Variants in TSNARE1 observed in about 807,000 individuals in gnomAD.
The protein encoded by TSNARE1 is t-SNARE domain containing 1.
In TSNARE1, 49 loss-of-function variants were observed where a neutral mutation model predicts 62.0. The observed-to-expected ratio is 0.79, with a 90% confidence interval of 0.63 to 1.00. The LOEUF is 1.00. Among genes scored for constraint, TSNARE1 ranks in the 50% least tolerant of loss-of-function variants. The probability of loss-of-function intolerance (pLI) is 0.00; values close to 1 mark genes in which losing one functional copy is unlikely to be tolerated. For synonymous variants in TSNARE1, 328 were observed against 294.4 expected (o/e 1.11, Z -1.17); for missense variants, 755 against 700.1 (o/e 1.08, Z -0.88).
intron 6 of TSNARE1, among the ~76,000 whole-genome samples, chr8:142,318,900 T>G (rs1447396564): frequency 6.6e-6 from 1 of 150,730 alleles, no homozygotes; most frequent in African/African-American, 2.4e-5. Context: ...GCAGCGATGA[T>G]TCCCACAGAG....
At chr8:142,372,556 C>G (rs552111437) in intron 1 of TSNARE1, among the ~76,000 whole-genome samples, 2 of 152,288 alleles carry the variant, frequency 1.3e-5, no homozygotes, top group South Asian at 4.1e-4. Context: ...GCTGGCTTCC[C>G]TCACCCCTCA....
intron 12 of TSNARE1, chr8:142,269,934 G>T: frequency 1.0e-6 from 1 of 985,456 alleles, no homozygotes; most frequent in Non-Finnish European, 1.2e-6. Flanking sequence ...ACGAGGAAAA[G>T]GCCCCTCTCC....
At chr8:142,298,718 G>A (rs1382262454) in intron 10 of TSNARE1, among the ~76,000 whole-genome samples, 9 of 152,280 alleles carry the variant, frequency 5.9e-5, no homozygotes, top group East Asian at 5.8e-4. Context: ...CTCTCCTCAC[G>A]ACACTCTATG....
intron 1 of TSNARE1, among the ~76,000 whole-genome samples, chr8:142,372,323 C>T (rs532087169): frequency 3.3e-5 from 5 of 152,172 alleles, no homozygotes; most frequent in Non-Finnish European, 5.9e-5. Context: ...AGCCCCACAA[C>T]CATTTGCTGA....
chr8:142,405,176 G>C (rs1838564680), upstream of TSNARE1: 1 of 152,268 alleles, frequency 6.6e-6, no homozygotes, highest in African/African-American at 2.4e-5. Flanking sequence ...GGGAGGGGGA[G>C]GAGGATGCTA....
chr8:142,322,846 G>A (rs1198675383), intron 6 of TSNARE1, among the ~76,000 whole-genome samples: 5 of 151,916 alleles, frequency 3.3e-5, no homozygotes, highest in Admixed American at 6.6e-5. Flanking sequence ...ACGAAAGGCC[G>A]GCCTGGCCGT....
intron 13 of TSNARE1, among the ~76,000 whole-genome samples, chr8:142,224,346 C>T (rs1373049950): frequency 2.0e-5 from 3 of 152,226 alleles, no homozygotes; most frequent in Admixed American, 2.0e-4. Flanking sequence ...CCTGGCCACA[C>T]ACTGACCTCT....
At chr8:142,243,589 G>T (rs1817758336) in intron 12 of TSNARE1, among the ~76,000 whole-genome samples, 1 of 152,104 alleles carries the variant, frequency 6.6e-6, no homozygotes, top group South Asian at 2.1e-4. Flanking sequence ...GTGGTTAGCA[G>T]GGGCCGGGGG....
In TSNARE1 at chr8:142,285,238, GGGTA is replaced by G. The variant is rs1563829621; in HGVS notation, c.1291-757_1291-754del. Among the ~76,000 whole-genome samples the G allele has an allele frequency of 8.1e-4, 115 of 142,292 alleles. 1 individual carries two copies. The highest frequency in any genetic ancestry group is 3.0e-3 in the African/African-American group (111 of 36,954). The allele number at this position is 142,292 out of a possible 152,430, so 93.3% of individuals were successfully genotyped here. On this transcript the variant is annotated intron_variant, in intron 10 of 13. Transcript: ENST00000524325. ...CAGATGAATGGGTGGATGGATGGAT[GGGTA>G]GATGGATGGATGCGTAGGTGGATGG...
At chr8:142,404,287 C>A (rs1838517653), upstream of TSNARE1, 1 of 150,218 alleles carries the variant, frequency 6.7e-6, no homozygotes, top group African/African-American at 2.5e-5. Flanking sequence ...TGAACACGAA[C>A]ACAAAAGTGT....
chr8:142,323,154 C>T (rs1829735947), intron 6 of TSNARE1, among the ~76,000 whole-genome samples: 1 of 152,170 alleles, frequency 6.6e-6, no homozygotes, highest in African/African-American at 2.4e-5. Flanking sequence ...GGCTGGATGA[C>T]GATATTGTTA....
chr8:142,388,304 C>A (rs909986232), intron 1 of TSNARE1, among the ~76,000 whole-genome samples: 4 of 151,990 alleles, frequency 2.6e-5, no homozygotes, highest in African/African-American at 7.2e-5. Flanking sequence ...CCATACTCTG[C>A]TTTATGGAGT....
rs533416609 is a variant in TSNARE1 at position 142,241,034 on chromosome 8, G to A, written c.1447-11455C>T. ...CCTCGCCAGTGTAATTAGGCAAGAC[G>A]AAGAAGTAAAAGGCATCCAAATTGG... On this transcript the variant is annotated intron_variant, in intron 12 of 13. Transcript: ENST00000524325. Among the ~76,000 whole-genome samples the A allele has an allele frequency of 6.6e-5, 10 of 152,306 alleles. No homozygotes were observed. In the South Asian group the frequency reaches 1.7e-3, roughly 25 times the overall value.
At chr8:142,324,465 T>G (rs554000912) in intron 6 of TSNARE1, among the ~76,000 whole-genome samples, 1 of 151,876 alleles carries the variant, frequency 6.6e-6, no homozygotes, top group South Asian at 2.1e-4. Flanking sequence ...GCCTGGGGGG[T>G]GTGTCACCTG....
At chr8:142,315,400 AG>A (rs1479248244) in intron 7 of TSNARE1, among the ~76,000 whole-genome samples, 1 of 152,230 alleles carries the variant, frequency 6.6e-6, no homozygotes, top group Admixed American at 6.5e-5. Flanking sequence ...TCCACAGCGC[AG>A]GACGTCGTGG....
intron 11 of TSNARE1, chr8:142,280,108 C>A: frequency 8.7e-7 from 1 of 1,147,398 alleles, no homozygotes. Context: ...GGCAGGTGTG[C>A]CCCGCAGCGC....
chr8:142,345,801 G>C lies in TSNARE1; in HGVS notation c.180C>G (p.Asp60Glu). ...SKLQNRCVGK[D>E]GEGDLGPAGT... ...CTGCTGGCCCCAGATCACCTTCCCC[G>C]TCCTTCCCCACACAGCGGTTCTGCA... The change falls in exon 3 of 14, where the codon GAC becomes GAG. Residue 60 changes from aspartate to glutamate, a missense_variant. By Grantham distance (45) the Asp-to-Glu change is conservative (BLOSUM62 2). Transcript: ENST00000524325. 5 of 1,613,790 alleles carry C rather than the reference G, an allele frequency of 3.1e-6. No homozygotes were observed. Among genetic ancestry groups the C allele is most frequent in the Non-Finnish European group, 4.2e-6 (5 of 1,179,860 alleles).
At chr8:142,327,462 G>A (rs1253962859) in intron 6 of TSNARE1, among the ~76,000 whole-genome samples, 1 of 152,186 alleles carries the variant, frequency 6.6e-6, no homozygotes. Context: ...CATCCTTACA[G>A]AGGGACAGAG....
chr8:142,365,808 AT>A, intron 1 of TSNARE1: 1 of 335,220 alleles, frequency 3.0e-6, no homozygotes, highest in Non-Finnish European at 5.9e-6. Flanking sequence ...ACTGGAAATT[AT>A]TTTTTAATCA....
Sources: allele counts gnomAD v4.1 joint callset (sites outside exome capture counted in the v4.1 genomes callset), GRCh38; gene constraint gnomAD v4.1.1; transcripts MANE v1.5; gene names NCBI Gene and HGNC (gene_info 2026-07-23, HGNC 2026-07-21).